NCOA1: variants seen among roughly 807,000 people sequenced by gnomAD.
The protein encoded by NCOA1 is Hin-2 protein.
Under a neutral mutation model 150.9 loss-of-function variants are expected in NCOA1, and 35 were observed. The ratio of observed to expected loss-of-function variants is 0.23; its 90% CI spans 0.18 to 0.31. The LOEUF (loss-of-function observed/expected upper bound fraction) is 0.31. Among genes scored for constraint, NCOA1 ranks in the 10% least tolerant of loss-of-function variants. The pLI is 1.00. For synonymous variants in NCOA1, 590 were observed against 630.0 expected (o/e 0.94, Z 0.95); for missense variants, 1,491 against 1,749.3 (o/e 0.85, Z 2.63).
intron 1 of NCOA1, among the ~76,000 whole-genome samples, chr2:24,523,617 A>AAAAG (rs1664520198): frequency 1.5e-5 from 2 of 130,152 alleles, no homozygotes; most frequent in African/African-American, 5.4e-5. Flanking sequence ...AAAAAAAAAA[A>AAAAG]AAAAAAAAAA....
At chr2:24,674,814 G>C (rs1671832807) in intron 7 of NCOA1, among the ~76,000 whole-genome samples, 1 of 152,048 alleles carries the variant, frequency 6.6e-6, no homozygotes, top group African/African-American at 2.4e-5. Flanking sequence ...GCTGGTCAGA[G>C]TTCTGCATTA....
chr2:24,573,082 G>A (rs1187930948), intron 2 of NCOA1, among the ~76,000 whole-genome samples: 1 of 152,102 alleles, frequency 6.6e-6, no homozygotes, highest in South Asian at 2.1e-4. Context: ...TTTGTTATCA[G>A]TTACTTGGTG....
rs1410898629 is a variant in NCOA1 at position 24,674,632 on chromosome 2, ATACC to A, written c.354+1173_354+1176del. Among the ~76,000 whole-genome samples the A allele has an allele frequency of 5.3e-5, 8 of 152,310 alleles. No homozygotes were observed. In the East Asian group the frequency reaches 1.2e-3, roughly 22 times the overall value. ...TATTTATTCAACAAAGATTTGTTGA[ATACC>A]TACAGTGTGTTAGACACTGGATATC... is the stretch of plus-strand genomic sequence containing the variant. On this transcript the variant is annotated intron_variant, in intron 7 of 22. Transcript: ENST00000348332.
At chr2:24,701,104 A>G (rs900957768) in intron 11 of NCOA1, among the ~76,000 whole-genome samples, 2 of 152,214 alleles carry the variant, frequency 1.3e-5, no homozygotes, top group African/African-American at 2.4e-5. Flanking sequence ...ATGTCAGGCT[A>G]TACAACCTAG....
rs535785461 is a variant in NCOA1, at chr2:24,754,353, TTCCTGGATACCTC to T, written c.3881+2200_3881+2212del. On this transcript the variant is annotated intron_variant, in intron 20 of 22. Coordinates refer to ENST00000348332, the MANE Select transcript of NCOA1 (RefSeq NM_003743.5). ...GCCCGTAAAACCCCACATCATCTTG[TTCCTGGATACCTC>T]TCTGATCCCATCTGTTATTCTCACC... is the stretch of plus-strand genomic sequence containing the variant. Among the ~76,000 whole-genome samples, 279 of 152,306 alleles carry T rather than the reference TTCCTGGATACCTC, an allele frequency of 1.8e-3. 1 individual carries two copies. The highest frequency in any genetic ancestry group is 6.4e-3 in the African/African-American group (268 of 41,572).
intron 6 of NCOA1, among the ~76,000 whole-genome samples, chr2:24,671,503 T>G (rs200109587): frequency 6.6e-6 from 1 of 152,106 alleles, no homozygotes; most frequent in East Asian, 1.9e-4. Flanking sequence ...TAAAATAAAA[T>G]AAAACAAGCA....
Position 24,739,415 on chromosome 2 carries a change from T to A in NCOA1, c.3202-17T>A. 6.4e-7 allele frequency: 1 copy of A among 1,556,010 alleles called. No homozygotes were observed. Among genetic ancestry groups the A allele is most frequent in the Non-Finnish European group, 8.9e-7 (1 of 1,127,454 alleles). ...TTGTGTGTAGAAATATATCTTATTG[T>A]TTCCATTTTTCTCTAGTTGATACAC... On this transcript the variant is annotated splice_polypyrimidine_tract_variant and intron_variant, in intron 17 of 22. Transcript: ENST00000348332.
At chr2:24,667,675 A>C (rs775765020) in intron 6 of NCOA1, among the ~76,000 whole-genome samples, 2 of 152,082 alleles carry the variant, frequency 1.3e-5, no homozygotes, top group Non-Finnish European at 2.9e-5. Flanking sequence ...GCTGGAAAAA[A>C]TTTTACTTCT....
chr2:24,550,830 T>A (rs1446571533), intron 1 of NCOA1, among the ~76,000 whole-genome samples: 1 of 152,234 alleles, frequency 6.6e-6, no homozygotes, highest in Non-Finnish European at 1.5e-5. Flanking sequence ...TCTGATAGGC[T>A]GGGTGCAGTG....
chr2:24,558,560 A>G (rs1293009059), intron 1 of NCOA1, among the ~76,000 whole-genome samples: 1 of 152,164 alleles, frequency 6.6e-6, no homozygotes, highest in African/African-American at 2.4e-5. Flanking sequence ...GGCCCCCATA[A>G]TTCAATTACT....
intron 1 of NCOA1, among the ~76,000 whole-genome samples, chr2:24,557,877 G>A (rs920294407): frequency 2.7e-4 from 41 of 151,084 alleles, no homozygotes; most frequent in African/African-American, 8.8e-4. Flanking sequence ...CTAACTTTGC[G>A]ATTTTTATCT....
chr2:24,687,716 T>TG (rs2148551228), intron 8 of NCOA1, among the ~76,000 whole-genome samples: 1 of 152,170 alleles, frequency 6.6e-6, no homozygotes, highest in Non-Finnish European at 1.5e-5. Context: ...GAGAACAGCA[T>TG]GGGGGGAGCT....
intron 2 of NCOA1, among the ~76,000 whole-genome samples, chr2:24,565,000 ATTG>A (rs1013237477): frequency 1.3e-5 from 2 of 152,074 alleles, no homozygotes; most frequent in Non-Finnish European, 2.9e-5. Flanking sequence ...TCCTAAATTT[ATTG>A]TTAAGGATTT....
At chr2:24,712,750 A>G (rs1213689644) in intron 14 of NCOA1, among the ~76,000 whole-genome samples, 1 of 152,140 alleles carries the variant, frequency 6.6e-6, no homozygotes, top group East Asian at 1.9e-4. Context: ...GGGACAAAGA[A>G]CAGAAAAAAC....
At chr2:24,730,484 A>T (rs989848346) in intron 17 of NCOA1, among the ~76,000 whole-genome samples, 2 of 152,168 alleles carry the variant, frequency 1.3e-5, no homozygotes, top group East Asian at 3.8e-4. Flanking sequence ...GCATCAAGAG[A>T]TACTGTTTAT....
chr2:24,633,914 A>G (rs993572613), intron 3 of NCOA1, among the ~76,000 whole-genome samples: 1 of 152,216 alleles, frequency 6.6e-6, no homozygotes, highest in Non-Finnish European at 1.5e-5. Context: ...TCACTGAGCC[A>G]TTATTTGTAA....
chr2:24,723,052 T>C (rs886363898), intron 14 of NCOA1, among the ~76,000 whole-genome samples: 1 of 152,070 alleles, frequency 6.6e-6, no homozygotes, highest in Non-Finnish European at 1.5e-5. Flanking sequence ...TATTTGTTTA[T>C]TTATTTTTAG....
intron 3 of NCOA1, among the ~76,000 whole-genome samples, chr2:24,602,847 T>C (rs1008690457): frequency 4.6e-5 from 7 of 152,214 alleles, no homozygotes; most frequent in South Asian, 2.1e-4. Context: ...GGAAACTCCC[T>C]GTGTAAGCCT....
intron 1 of NCOA1, among the ~76,000 whole-genome samples, chr2:24,516,129 A>G (rs561225914): frequency 9.3e-5 from 14 of 150,756 alleles, no homozygotes; most frequent in African/African-American, 2.2e-4. Context: ...CACAAGTGAC[A>G]TGGACCCTGA....
Sources: gnomAD v4.1 joint callset for allele counts (sites outside exome capture counted in the v4.1 genomes callset) on GRCh38, gnomAD v4.1.1 for gene constraint, MANE v1.5 for transcripts, NCBI Gene and HGNC (gene_info 2026-07-23, HGNC 2026-07-21) for gene names.